Variants in MALRD1 observed in about 807,000 individuals in gnomAD.
MALRD1 encodes MAM and LDL-receptor class A domain-containing protein 1.
In MALRD1, 247 loss-of-function variants were observed where a neutral mutation model predicts 242.1. The observed-to-expected ratio is 1.02, with a 90% CI of 0.92 to 1.13. The LOEUF is 1.13. Among genes scored for constraint, MALRD1 ranks in the 50% most tolerant of loss-of-function variants. The pLI, the probability that MALRD1 is intolerant of heterozygous loss-of-function variation, is 0.00. For missense variants in MALRD1, 2,989 were observed against 2,533.1 expected (o/e 1.18, Z -3.86); for synonymous variants, 995 against 866.6 (o/e 1.15, Z -2.60).
chr10:19,315,819 C>T (rs1842680917), intron 21 of MALRD1, among the ~76,000 whole-genome samples: 1 of 141,918 alleles, frequency 7.0e-6, no homozygotes, highest in Non-Finnish European at 1.5e-5. Flanking sequence ...GCACACAGTC[C>T]ATATTAGCTG....
intron 25 of MALRD1, 98 bp downstream of exon 25, chr10:19,348,116 G>T (rs987719099): frequency 7.1e-7 from 1 of 1,402,512 alleles, no homozygotes; most frequent in African/African-American, 1.5e-5. Context: ...TGGGGCCAGA[G>T]AAAAGATGAG....
At chr10:19,174,302 A>T (rs1292163964) in intron 13 of MALRD1, among the ~76,000 whole-genome samples, 1 of 152,112 alleles carries the variant, frequency 6.6e-6, no homozygotes, top group Admixed American at 6.6e-5. Context: ...AAGGAAAGAG[A>T]GGGGAAGGCA....
At chr10:19,685,421 A>G (rs1241412369) in intron 36 of MALRD1, among the ~76,000 whole-genome samples, 2 of 152,224 alleles carry the variant, frequency 1.3e-5, no homozygotes, top group African/African-American at 4.8e-5. Context: ...ACACAGGATT[A>G]TTGATTTAAT....
rs1366865915 is a variant in MALRD1 at position 19,270,336 on chromosome 10, T to TCTCACACA, written c.3080-9710_3080-9709insTCACACAC. On this transcript the variant is annotated intron_variant, in intron 19 of 39. Transcript: ENST00000454679. ...TCTCTCTTCTCTCTCTCTCTCTCTC[T>TCTCACACA]CACACACACACACACACACACACAC... Among the ~76,000 whole-genome samples the TCTCACACA allele has an allele frequency of 2.1e-3, 281 of 130,954 alleles. 2 individuals carry two copies. Among genetic ancestry groups the TCTCACACA allele is most frequent in the Middle Eastern group, 4.0e-3 (1 of 248 alleles). 85.9% of individuals were successfully genotyped at this position (130,954 alleles called of 152,430 possible).
intron 26 of MALRD1, among the ~76,000 whole-genome samples, chr10:19,366,884 C>T (rs568503737): frequency 6.6e-6 from 1 of 152,074 alleles, no homozygotes; most frequent in East Asian, 1.9e-4. Context: ...TTGTAGTTGC[C>T]CCACATCTTC....
intron 32 of MALRD1, among the ~76,000 whole-genome samples, chr10:19,565,492 T>A (rs1589245945): frequency 6.6e-6 from 1 of 152,224 alleles, no homozygotes; most frequent in South Asian, 2.1e-4. Context: ...GTTATTGGGA[T>A]GTAAACCAAG....
chr10:19,552,698 A>T (rs1835539125), intron 32 of MALRD1, among the ~76,000 whole-genome samples: 1 of 150,042 alleles, frequency 6.7e-6, no homozygotes, highest in African/African-American at 2.4e-5. Context: ...TATCGTAGAA[A>T]TATTTTTTAA....
At chr10:19,435,966 G>T (rs1180999521) in intron 28 of MALRD1, among the ~76,000 whole-genome samples, 2 of 152,088 alleles carry the variant, frequency 1.3e-5, no homozygotes, top group Non-Finnish European at 2.9e-5. Flanking sequence ...TGTAATGTGG[G>T]TTATAATTCA....
intron 27 of MALRD1, among the ~76,000 whole-genome samples, chr10:19,388,041 G>A (rs1399183344): frequency 3.3e-5 from 5 of 152,176 alleles, no homozygotes; most frequent in African/African-American, 1.2e-4. Flanking sequence ...CCTTCTGAGG[G>A]TTGTGAGGGA....
chr10:19,364,920 G>A (rs965341487), intron 26 of MALRD1, among the ~76,000 whole-genome samples: 1 of 152,080 alleles, frequency 6.6e-6, no homozygotes, highest in Non-Finnish European at 1.5e-5. Flanking sequence ...TCTTTGGAAA[G>A]AATATTGGGG....
At chr10:19,236,755 T>C (rs368191851) in intron 18 of MALRD1, among the ~76,000 whole-genome samples, 1 of 152,166 alleles carries the variant, frequency 6.6e-6, no homozygotes, top group South Asian at 2.1e-4. Context: ...AGATACGTTT[T>C]TCATTTTTAT....
intron 36 of MALRD1, among the ~76,000 whole-genome samples, chr10:19,654,306 T>C (rs945341644): frequency 3.3e-5 from 5 of 152,156 alleles, no homozygotes; most frequent in African/African-American, 1.2e-4. Context: ...TTTTTTAGCA[T>C]GTCTTATTAA....
At chr10:19,504,664 A>ATTTTTTTTTTTTTTT (rs759213931) in intron 31 of MALRD1, among the ~76,000 whole-genome samples, 3 of 97,588 alleles carry the variant, frequency 3.1e-5, no homozygotes, top group African/African-American at 1.4e-4. Flanking sequence ...ATTGTAACAC[A>ATTTTTTTTTTTTTTT]TTTTTTTTTT....
chr10:19,507,885 A>G (rs569055768), intron 31 of MALRD1, among the ~76,000 whole-genome samples: 167 of 152,362 alleles, frequency 1.1e-3, no homozygotes, highest in Non-Finnish European at 2.3e-3. Flanking sequence ...TGTTTCTTCA[A>G]TAATTCATTC....
chr10:19,256,442 A>T (rs1166361194), intron 18 of MALRD1, among the ~76,000 whole-genome samples: 1 of 152,056 alleles, frequency 6.6e-6, no homozygotes, highest in Non-Finnish European at 1.5e-5. Context: ...TCTGCCTATA[A>T]TGCCTTTCAC....
intron 12 of MALRD1, among the ~76,000 whole-genome samples, chr10:19,164,855 G>C (rs1268232540): frequency 6.6e-6 from 1 of 151,948 alleles, no homozygotes; most frequent in African/African-American, 2.4e-5. Flanking sequence ...ATGGTGAATA[G>C]GAAGTGAAAT....
At chr10:19,631,173 T>G (rs752160611) in intron 36 of MALRD1, among the ~76,000 whole-genome samples, 17 of 152,128 alleles carry the variant, frequency 1.1e-4, no homozygotes, top group Non-Finnish European at 2.1e-4. Context: ...GGCCCCAGTG[T>G]CTGTTGTTCC....
At chr10:19,208,216 T>A (rs1323650061) in intron 17 of MALRD1, among the ~76,000 whole-genome samples, 1 of 152,006 alleles carries the variant, frequency 6.6e-6, no homozygotes. Context: ...AAGTTGGAAG[T>A]TGCAGCTCAA....
intron 36 of MALRD1, among the ~76,000 whole-genome samples, chr10:19,676,379 GA>G (rs1185433403): frequency 6.6e-6 from 1 of 152,166 alleles, no homozygotes; most frequent in African/African-American, 2.4e-5. Context: ...GTAGCCTAGA[GA>G]TATTTAGGCG....
Sources: gnomAD v4.1 joint callset for allele counts (sites outside exome capture counted in the v4.1 genomes callset) on GRCh38, gnomAD v4.1.1 for gene constraint, MANE v1.5 for transcripts, NCBI Gene and HGNC (gene_info 2026-07-23, HGNC 2026-07-21) for gene names.